The following SRL variants were observed in gnomAD, a reference collection of about 807,000 sequenced individuals.
SRL encodes sarcalumenin.
In SRL, 23 loss-of-function variants were observed where a neutral mutation model predicts 39.5. The observed-to-expected ratio is 0.58, with a 90% CI of 0.42 to 0.82. The LOEUF (loss-of-function observed/expected upper bound fraction) is 0.82. Among genes scored for constraint, SRL ranks in the 40% least tolerant of loss-of-function variants. The pLI, the probability that SRL is intolerant of heterozygous loss-of-function variation, is 0.00. For synonymous variants in SRL, 272 were observed against 237.4 expected (o/e 1.15, Z -1.34); for missense variants, 592 against 607.8 (o/e 0.97, Z 0.27).
chr16:4,205,030 AGTAACGCTAGGGCCGAGT>A lies in SRL; in HGVS notation c.62-414_62-397del, dbSNP rs371604226. Among the ~76,000 whole-genome samples the A allele has an allele frequency of 9.4e-4, 143 of 152,274 alleles. 1 individual carries two copies. The highest frequency in any genetic ancestry group is 3.3e-3 in the African/African-American group (137 of 41,552). On this transcript the variant is annotated intron_variant, in intron 1 of 5. Transcript: ENST00000399609. The stretch of plus-strand genomic sequence containing the variant: ...TGGAGTCAGAGATGATAGTCTTTAA[AGTAACGCTAGGGCCGAGT>A]GCAGTGGCTCACACCTGTAATCCTA...
intron 1 of SRL, among the ~76,000 whole-genome samples, chr16:4,227,522 T>C (rs184407242): frequency 3.3e-4 from 47 of 140,438 alleles, no homozygotes; most frequent in Admixed American, 9.4e-4. Context: ...GGTAGATGAG[T>C]AGATGGATGA....
intron 1 of SRL, among the ~76,000 whole-genome samples, chr16:4,240,620 C>A (rs887252137): frequency 2.6e-5 from 4 of 152,072 alleles, no homozygotes; most frequent in African/African-American, 7.2e-5. Context: ...CGACAAGAGC[C>A]CCCAGCGAGG....
In SRL at chr16:4,191,761, C is replaced by T. The variant is rs1416493384; in HGVS notation, c.*392G>A. The T allele has an allele frequency of 1.7e-5, 3 of 177,666 alleles. No homozygotes were observed. The highest frequency in any genetic ancestry group is 2.4e-3 in the Middle Eastern group (1 of 414). The allele number at this position is 177,666 out of a possible 1,614,324, so 11.0% of individuals were successfully genotyped here. A position where few individuals can be genotyped will look rare whatever the true frequency, so the allele number is the denominator to read the frequency against. On this transcript the variant is annotated 3_prime_UTR_variant, in exon 6 of 6. Transcript: ENST00000399609. ...GCCAAAATGGACCTGACAATCTCTA[C>T]GACTCAGGCCTTCGCTGTTTTCCCA...
intron 1 of SRL, chr16:4,206,965 C>T (rs1305777915): frequency 2.2e-6 from 1 of 455,880 alleles, no homozygotes. Flanking sequence ...TCCTGGGGCT[C>T]CCCGCCTTCC....
intron 5 of SRL, among the ~76,000 whole-genome samples, chr16:4,195,029 G>GGACTACAC (rs2052117446): frequency 2.0e-5 from 3 of 151,854 alleles, no homozygotes; most frequent in East Asian, 1.9e-4. Context: ...CGAGTAGCTG[G>GGACTACAC]GACTACAGTC....
chr16:4,204,599 T>G lies in SRL; in HGVS notation c.97A>C (p.Arg33=), dbSNP rs1224158543. ...TEDANEEAPL[R]DRSHIEKTLM... is the part of the protein sequence containing the mutation. ...GTCTTCTCGATGTGGGAGCGGTCCC[T>G]CAATGGGGCTTCTTCATTTGCATCC... The change falls in exon 2 of 6, where the codon AGG becomes CGG. Residue 33 remains arginine, a synonymous_variant. Coordinates refer to ENST00000399609, the MANE Select transcript of SRL (RefSeq NM_001098814.2). 1 of 1,614,178 alleles carries G rather than the reference T, an allele frequency of 6.2e-7. No homozygotes were observed. The highest frequency in any genetic ancestry group is 2.2e-5 in the East Asian group (1 of 44,866).
intron 3 of SRL, among the ~76,000 whole-genome samples, chr16:4,202,109 C>T (rs756681126): frequency 5.3e-5 from 8 of 152,162 alleles, no homozygotes; most frequent in Admixed American, 1.3e-4. Context: ...CAGAGCATGG[C>T]GTGGTCACGC....
At chr16:4,236,064 T>C (rs1262941581) in intron 1 of SRL, among the ~76,000 whole-genome samples, 1 of 152,040 alleles carries the variant, frequency 6.6e-6, no homozygotes, top group East Asian at 1.9e-4. Context: ...ACAGAGTGAG[T>C]CCCTGTCTAA....
At chr16:4,193,560 G>A (rs1443493339) in intron 5 of SRL, among the ~76,000 whole-genome samples, 4 of 152,168 alleles carry the variant, frequency 2.6e-5, no homozygotes, top group South Asian at 2.1e-4. Context: ...TGCCCCTGGC[G>A]AGCTGTATAT....
intron 1 of SRL, among the ~76,000 whole-genome samples, chr16:4,216,807 T>A (rs1597284407): frequency 6.6e-6 from 1 of 152,126 alleles, no homozygotes; most frequent in African/African-American, 2.4e-5. Context: ...GCAGGCTGGG[T>A]TCTGAGACAG....
chr16:4,231,000 C>A (rs577449237), intron 1 of SRL, among the ~76,000 whole-genome samples: 13 of 152,200 alleles, frequency 8.5e-5, no homozygotes, highest in South Asian at 2.1e-4. Flanking sequence ...GACTTTTGGG[C>A]TCCAGAATTG....
intron 1 of SRL, among the ~76,000 whole-genome samples, chr16:4,229,068 G>C (rs1421330678): frequency 1.3e-5 from 2 of 152,134 alleles, no homozygotes; most frequent in Non-Finnish European, 2.9e-5. Context: ...CAAAGACACA[G>C]AATCAACCCA....
chr16:4,219,631 T>G (rs1054480741), intron 1 of SRL, among the ~76,000 whole-genome samples: 4 of 152,032 alleles, frequency 2.6e-5, no homozygotes, highest in African/African-American at 9.7e-5. Flanking sequence ...GTAATATTTT[T>G]TATATTTTTA....
rs748812121 is a variant in SRL at position 4,190,791 on chromosome 16, C to A, written c.*1362G>T. On this transcript the variant is annotated 3_prime_UTR_variant, in exon 6 of 6. Transcript: ENST00000399609. Reference sequence around the variant, plus strand: ...ACCGAGTGGCTGGTGCTGGTTCTGACTCCTAGGAAATTGCTCCAAGTAAGT... The same window carrying A: ...ACCGAGTGGCTGGTGCTGGTTCTGAATCCTAGGAAATTGCTCCAAGTAAGT... The A allele has an allele frequency of 3.8e-6, 1 of 266,052 alleles. No individual in the cohort carries two copies. Among genetic ancestry groups the A allele is most frequent in the Non-Finnish European group, 7.1e-6 (1 of 141,504 alleles). The allele number at this position is 266,052 out of a possible 1,614,324, so 16.5% of individuals were successfully genotyped here. A position where few individuals can be genotyped will look rare whatever the true frequency, so the allele number is the denominator to read the frequency against.
chr16:4,240,139 C>T (rs2052757144), intron 1 of SRL, among the ~76,000 whole-genome samples: 1 of 152,198 alleles, frequency 6.6e-6, no homozygotes, highest in African/African-American at 2.4e-5. Flanking sequence ...GCCTAGGAAG[C>T]AGATGGGAGT....
rs757931539 is a variant in SRL, at chr16:4,192,713, C to T, written c.862G>A (p.Val288Ile). 4.3e-6 allele frequency: 7 copies of T among 1,614,042 alleles called. No individual in the cohort carries two copies. The African/African-American group carries it at 8.0e-5, about 18-fold the overall frequency. The change falls in exon 6 of 6, where the codon GTT (valine) becomes ATT (isoleucine). Residue 288 changes from valine to isoleucine, a missense_variant. Physicochemically the swap from Val to Ile is conservative, Grantham distance 29 (BLOSUM62 3). Transcript: ENST00000399609. The surrounding 1 kb of genome is among the most constrained non-coding windows in gnomAD (Gnocchi z 4.0). ...PLINVTEPPR[V>I]YVSSFWPQEY... Reference sequence around the variant, plus strand: ...TGTGGCCAGAAGGAGCTGACGTAAACCCTTGGGGGCTCTGTGACATTGATG... The same window carrying T: ...TGTGGCCAGAAGGAGCTGACGTAAATCCTTGGGGGCTCTGTGACATTGATG...
At chr16:4,198,801 G>C (rs2052183011) in intron 3 of SRL, among the ~76,000 whole-genome samples, 3 of 152,126 alleles carry the variant, frequency 2.0e-5, no homozygotes, top group Non-Finnish European at 4.4e-5. Context: ...AAATTTGCCA[G>C]TGCCCAAAAC....
intron 5 of SRL, among the ~76,000 whole-genome samples, chr16:4,193,705 C>T (rs1597264143): frequency 1.3e-5 from 2 of 152,034 alleles, no homozygotes; most frequent in East Asian, 3.9e-4. Flanking sequence ...ACAGCTGGTG[C>T]AGAATACATT....
At chr16:4,194,060 A>T (rs1310137098) in intron 5 of SRL, among the ~76,000 whole-genome samples, 1 of 152,136 alleles carries the variant, frequency 6.6e-6, no homozygotes, top group Non-Finnish European at 1.5e-5. Context: ...ATAAACTGAG[A>T]TCCACCGTCT....
Sources: allele counts gnomAD v4.1 joint callset (sites outside exome capture counted in the v4.1 genomes callset), GRCh38; gene constraint gnomAD v4.1.1; non-coding constraint Gnocchi (gnomAD v3.1); transcripts MANE v1.5; gene names NCBI Gene and HGNC (gene_info 2026-07-23, HGNC 2026-07-21).